Variants in FAM131B observed in about 807,000 individuals in gnomAD.
FAM131B encodes protein FAM131B.
FAM131B carries 19 observed loss-of-function variants against 42.0 expected under a neutral mutation model. The ratio of observed to expected loss-of-function variants is 0.45; its 90% confidence interval spans 0.32 to 0.66. The LOEUF is 0.66. FAM131B is among the 30% of genes least tolerant of loss of function. The probability of loss-of-function intolerance (pLI) is 0.05; values close to 1 mark genes in which losing one functional copy is unlikely to be tolerated. For missense variants in FAM131B, 370 were observed against 468.4 expected (o/e 0.79, Z 1.94); for synonymous variants, 183 against 177.6 (o/e 1.03, Z -0.24).
the FAM131B span, chr7:143,381,220 G>C: frequency 1.0e-6 from 1 of 1,004,930 alleles, no homozygotes; most frequent in Non-Finnish European, 1.2e-6. Flanking sequence ...CGCTCTCCCC[G>C]CCCCCTCTCC....
chr7:143,379,951 C>T, the FAM131B span: 1 of 589,808 alleles, frequency 1.7e-6, no homozygotes, highest in Non-Finnish European at 2.1e-6. Context: ...TCCATCTCTT[C>T]AGCTCGGCCT....
chr7:143,380,383 C>T, the FAM131B span: 1 of 984,988 alleles, frequency 1.0e-6, no homozygotes, highest in Non-Finnish European at 1.2e-6. The surrounding 1 kb of genome is among the most constrained non-coding windows in gnomAD (Gnocchi z 5.0). Flanking sequence ...CCACCGTCGC[C>T]CGGGGTCTCC....
chr7:143,376,451 GGAT>G, the FAM131B span, among the ~76,000 whole-genome samples: 3 of 152,272 alleles, frequency 2.0e-5, no homozygotes, highest in African/African-American at 7.2e-5. Context: ...AGTGTATAGG[GGAT>G]GATGCTCTGA....
chr7:143,359,294 G>T lies in FAM131B; in HGVS notation c.268+32C>A, dbSNP rs2116458028. 2.0e-6 allele frequency: 3 copies of T among 1,521,580 alleles called. No homozygotes were observed. The highest frequency in any genetic ancestry group is 2.7e-6 in the Non-Finnish European group (3 of 1,099,274). The allele number at this position is 1,521,580 out of a possible 1,614,324, so 94.3% of individuals were successfully genotyped here. On this transcript the variant is annotated intron_variant, in intron 4 of 6. Transcript: ENST00000443739. This position sits in a 1 kb window ranked among gnomAD's most constrained non-coding sequence, Gnocchi z 5.4. Reference sequence around the variant, plus strand: ...CCAAGGAGTCTGTCAGCATTATTTTGTCTGAAGGCATTCTTACATCAGGAG... The same window carrying T: ...CCAAGGAGTCTGTCAGCATTATTTTTTCTGAAGGCATTCTTACATCAGGAG...
upstream of FAM131B, chr7:143,364,211 T>A (rs1326945596): frequency 6.6e-6 from 1 of 151,172 alleles, no homozygotes; most frequent in Non-Finnish European, 1.5e-5. Context: ...ATTGGTTATA[T>A]AAAAGAAGTA....
chr7:143,369,162 G>A, the FAM131B span, among the ~76,000 whole-genome samples: 8 of 152,326 alleles, frequency 5.3e-5, no homozygotes, highest in African/African-American at 9.6e-5. Context: ...CACTTAGTAA[G>A]TGGCTGAGTT....
At chr7:143,376,134 G>A in the FAM131B span, among the ~76,000 whole-genome samples, 1 of 152,112 alleles carries the variant, frequency 6.6e-6, no homozygotes, top group African/African-American at 2.4e-5. Flanking sequence ...TGGTTCCCTG[G>A]TCCTGGAATC....
At chr7:143,368,892 C>T in the FAM131B span, among the ~76,000 whole-genome samples, 1 of 152,224 alleles carries the variant, frequency 6.6e-6, no homozygotes, top group African/African-American at 2.4e-5. Flanking sequence ...TTTCCTGCAA[C>T]TGATCCTGTT....
At position 143,359,484 on chromosome 7, in the gene FAM131B, A is replaced by C. The variant is rs752171214; in HGVS notation, c.175-65T>G. ...AGGTACGGGCGTGCTTTATACATGG[A>C]GGAGGTTCATGGTTTCCAGGAAAAA... On this transcript the variant is annotated intron_variant, in intron 3 of 6. Coordinates refer to ENST00000443739, the MANE Select transcript of FAM131B (RefSeq NM_001031690.3). This position sits in a 1 kb window ranked among gnomAD's most constrained non-coding sequence, Gnocchi z 5.4. The C allele has an allele frequency of 7.8e-6, 10 of 1,287,866 alleles. No homozygotes were observed. In the African/African-American group the frequency reaches 1.5e-4, roughly 19 times the overall value. The allele number at this position is 1,287,866 out of a possible 1,614,324, so 79.8% of individuals were successfully genotyped here. A position where few individuals can be genotyped will look rare whatever the true frequency, so the allele number is the denominator to read the frequency against.
chr7:143,381,657 T>C, the FAM131B span: 1 of 1,611,808 alleles, frequency 6.2e-7, no homozygotes, highest in Non-Finnish European at 8.5e-7. Flanking sequence ...TTCGGCCCTG[T>C]GGTGGCCCCA....
At chr7:143,375,621 A>T in the FAM131B span, among the ~76,000 whole-genome samples, 5 of 152,134 alleles carry the variant, frequency 3.3e-5, no homozygotes, top group Non-Finnish European at 7.4e-5. Context: ...CTTTATATGA[A>T]GCCCACCTTA....
the FAM131B span, chr7:143,380,472 G>A: frequency 1.0e-6 from 1 of 985,228 alleles, no homozygotes; most frequent in Non-Finnish European, 1.2e-6. The surrounding 1 kb of genome is among the most constrained non-coding windows in gnomAD (Gnocchi z 5.0). Flanking sequence ...GGTGGGCGTT[G>A]AAGGGCCGTA....
the FAM131B span, among the ~76,000 whole-genome samples, chr7:143,376,176 A>C: frequency 6.6e-6 from 1 of 152,122 alleles, no homozygotes; most frequent in African/African-American, 2.4e-5. Context: ...GTGGGATAAT[A>C]ATGAGGTTAC....
chr7:143,382,277 G>A, the FAM131B span: 1 of 1,612,820 alleles, frequency 6.2e-7, no homozygotes, highest in Non-Finnish European at 8.5e-7. Context: ...TCCCCTTGCT[G>A]GGGATGGCGA....
At chr7:143,372,109 C>T in the FAM131B span, among the ~76,000 whole-genome samples, 7 of 152,196 alleles carry the variant, frequency 4.6e-5, no homozygotes, top group African/African-American at 7.2e-5. Flanking sequence ...GATGGAAAAA[C>T]GAGACTGGTA....
At chr7:143,382,134 C>A in the FAM131B span, 1 of 913,906 alleles carries the variant, frequency 1.1e-6, no homozygotes, top group Non-Finnish European at 1.6e-6. Context: ...CTTCCCCACA[C>A]GCTCTGGGAC....
At chr7:143,375,975 C>T in the FAM131B span, among the ~76,000 whole-genome samples, 11 of 152,324 alleles carry the variant, frequency 7.2e-5, no homozygotes, top group East Asian at 1.5e-3. Flanking sequence ...CCATCTGCCT[C>T]GCTCTGCCCC....
chr7:143,369,472 C>T, the FAM131B span, among the ~76,000 whole-genome samples: 1 of 152,108 alleles, frequency 6.6e-6, no homozygotes, highest in East Asian at 1.9e-4. Context: ...GTCAGGAGTT[C>T]GAGACCTGCC....
At chr7:143,377,689 A>AT in the FAM131B span, among the ~76,000 whole-genome samples, 1 of 151,994 alleles carries the variant, frequency 6.6e-6, no homozygotes, top group African/African-American at 2.4e-5. Flanking sequence ...AGAAGGGGCG[A>AT]ATATATATAT....
Sources: allele counts gnomAD v4.1 joint callset (sites outside exome capture counted in the v4.1 genomes callset), GRCh38; gene constraint gnomAD v4.1.1; non-coding constraint Gnocchi (gnomAD v3.1); transcripts MANE v1.5; gene names NCBI Gene and HGNC (gene_info 2026-07-23, HGNC 2026-07-21).